The following CDC42BPB variants were observed in gnomAD, a reference collection of about 807,000 sequenced individuals.
CDC42BPB encodes CDC42 binding protein kinase beta.
CDC42BPB carries 37 observed loss-of-function variants against 214.9 expected under a neutral mutation model. The ratio of observed to expected loss-of-function variants is 0.17; its 90% confidence interval spans 0.13 to 0.23. CDC42BPB has a LOEUF of 0.23. Among genes scored for constraint, CDC42BPB ranks in the 10% least tolerant of loss-of-function variants. The probability of loss-of-function intolerance (pLI) is 1.00; values close to 1 mark genes in which losing one functional copy is unlikely to be tolerated. For synonymous variants in CDC42BPB, 931 were observed against 884.0 expected (o/e 1.05, Z -0.94); for missense variants, 1,694 against 2,227.0 (o/e 0.76, Z 4.82).
intron 1 of CDC42BPB, among the ~76,000 whole-genome samples, chr14:103,027,133 C>T (rs958688468): frequency 1.3e-5 from 2 of 152,174 alleles, no homozygotes; most frequent in Non-Finnish European, 2.9e-5. Flanking sequence ...AAAACTGTAA[C>T]CAGACCTCAC....
intron 1 of CDC42BPB, among the ~76,000 whole-genome samples, chr14:103,012,663 G>A (rs1275262679): frequency 3.3e-5 from 5 of 152,110 alleles, no homozygotes; most frequent in Non-Finnish European, 2.9e-5. Flanking sequence ...AAATTAGCCG[G>A]ATGTTGTGGC....
chr14:103,053,309 T>C (rs1191967747), intron 1 of CDC42BPB, among the ~76,000 whole-genome samples: 1 of 151,258 alleles, frequency 6.6e-6, no homozygotes, highest in Non-Finnish European at 1.5e-5. Context: ...ATCGCACCAC[T>C]GCACTTCAGC....
rs1895123512 is a variant in CDC42BPB at position 103,004,117 on chromosome 14, C to A, written c.352-94G>T. The stretch of plus-strand genomic sequence containing the variant: ...CGGGGTCCCTCCTGGGACAGTGGCT[C>A]CAGCCACGGTGTCCCTGCCTTCCGG... On this transcript the variant is annotated intron_variant, in intron 3 of 36. Coordinates refer to ENST00000361246, the MANE Select transcript of CDC42BPB (RefSeq NM_006035.4). This position sits in a 1 kb window ranked among gnomAD's most constrained non-coding sequence, Gnocchi z 5.3. The A allele has an allele frequency of 7.0e-7, 1 of 1,429,896 alleles. No homozygotes were observed. Among genetic ancestry groups the A allele is most frequent in the Non-Finnish European group, 9.2e-7 (1 of 1,085,872 alleles). 88.6% of individuals were successfully genotyped at this position (1,429,896 alleles called of 1,614,324 possible).
intron 24 of CDC42BPB, among the ~76,000 whole-genome samples, chr14:102,952,078 T>C (rs1012766997): frequency 6.6e-6 from 1 of 152,178 alleles, no homozygotes; most frequent in Non-Finnish European, 1.5e-5. Context: ...CTGGGTGCAG[T>C]GGCTCATGCC....
In CDC42BPB at chr14:102,944,133, C is replaced by A; in HGVS notation, c.4166G>T (p.Gly1389Val). 6.2e-7 allele frequency: 1 copy of A among 1,613,204 alleles called. No homozygotes were observed. ...CAGCAGGCAGAACCCAGAAGGGTAGCCCACACAGAGCCTGTCCCTGAGCAC... is the reference window on the plus strand; with the variant it reads ...CAGCAGGCAGAACCCAGAAGGGTAGACCACACAGAGCCTGTCCCTGAGCAC... ...LAVLRDRLCVGYPSGFCLLSI... is the reference protein window; with the variant it reads ...LAVLRDRLCVVYPSGFCLLSI... The change falls in exon 30 of 37, where the codon GGC becomes GTC. Residue 1389 changes from glycine to valine, a missense_variant. Physicochemically the swap from Gly to Val is moderately radical, Grantham distance 109. Coordinates refer to ENST00000361246, the MANE Select transcript of CDC42BPB (RefSeq NM_006035.4). The surrounding 1 kb of genome is among the most constrained non-coding windows in gnomAD (Gnocchi z 6.6).
intron 8 of CDC42BPB, among the ~76,000 whole-genome samples, chr14:102,979,705 G>C (rs1030201852): frequency 6.6e-6 from 1 of 152,178 alleles, no homozygotes; most frequent in African/African-American, 2.4e-5. Context: ...CAACGAAGAA[G>C]ATTTTCCTTT....
At chr14:102,977,967 A>G (rs1893832747) in intron 9 of CDC42BPB, among the ~76,000 whole-genome samples, 159 bp downstream of exon 9, 1 of 152,226 alleles carries the variant, frequency 6.6e-6, no homozygotes, top group Non-Finnish European at 1.5e-5. Context: ...TCAGGTGTGC[A>G]TATTTTAAGA....
intron 9 of CDC42BPB, among the ~76,000 whole-genome samples, chr14:102,977,067 C>T (rs1014912126): frequency 5.3e-5 from 8 of 152,090 alleles, no homozygotes; most frequent in African/African-American, 9.7e-5. Context: ...ATCAGCCGGG[C>T]GCGGTGGCTC....
At chr14:102,946,767 C>A in intron 27 of CDC42BPB, 83 bp from the exon 28 acceptor site, 1 of 1,546,240 alleles carries the variant, frequency 6.5e-7, no homozygotes, top group Non-Finnish European at 8.7e-7. Flanking sequence ...GCTGGAGCCA[C>A]GCACCCCAGG....
At chr14:103,019,809 G>C (rs1438145116) in intron 1 of CDC42BPB, among the ~76,000 whole-genome samples, 2 of 152,164 alleles carry the variant, frequency 1.3e-5, no homozygotes, top group African/African-American at 4.8e-5. Flanking sequence ...TGATGCTCTA[G>C]AAAACAATGG....
chr14:102,989,654 C>G (rs1894401786), intron 5 of CDC42BPB, among the ~76,000 whole-genome samples: 1 of 152,052 alleles, frequency 6.6e-6, no homozygotes, highest in East Asian at 1.9e-4. Context: ...GGAAGGATCG[C>G]CTGAGGTTGG....
intron 1 of CDC42BPB, among the ~76,000 whole-genome samples, chr14:103,019,141 C>T (rs368703242): frequency 6.6e-5 from 10 of 152,080 alleles, no homozygotes; most frequent in Admixed American, 5.2e-4. Context: ...GCTGTATTGT[C>T]CAGGCTGGTC....
At chr14:102,952,947 G>C (rs1329012786) in intron 23 of CDC42BPB, among the ~76,000 whole-genome samples, 1 of 152,230 alleles carries the variant, frequency 6.6e-6, no homozygotes, top group Admixed American at 6.5e-5. Flanking sequence ...ACTGGCTCTT[G>C]GGGGCCGACC....
At chr14:103,044,266 C>T (rs1888167012) in intron 1 of CDC42BPB, among the ~76,000 whole-genome samples, 1 of 151,928 alleles carries the variant, frequency 6.6e-6, no homozygotes, top group Non-Finnish European at 1.5e-5. Flanking sequence ...CTCACTCTGT[C>T]GCCCATGCTG....
intron 1 of CDC42BPB, among the ~76,000 whole-genome samples, chr14:103,042,985 T>G (rs961534137): frequency 3.3e-5 from 5 of 151,098 alleles, no homozygotes; most frequent in African/African-American, 1.2e-4. Context: ...GTTCAGAGAA[T>G]AGGTATTAAA....
At chr14:102,967,250 T>A (rs1406677580) in intron 16 of CDC42BPB, 80 bp from the exon 17 acceptor site, 1 of 1,505,330 alleles carries the variant, frequency 6.6e-7, no homozygotes, top group Non-Finnish European at 8.9e-7. Context: ...GGAAGTTCTT[T>A]TGAAGACTCT....
At position 102,990,346 on chromosome 14, in the gene CDC42BPB, G is replaced by T. The variant is rs114166946; in HGVS notation, c.597-3766C>A. Among the ~76,000 whole-genome samples the T allele has an allele frequency of 8.3e-3, 1,263 of 152,292 alleles. 21 individuals are homozygous for T. Among genetic ancestry groups the T allele is most frequent in the African/African-American group, 0.029 (1,204 of 41,558 alleles). The stretch of plus-strand genomic sequence containing the variant: ...AGTCCCAATGAGATGGGGGAGAACC[G>T]CAAACAAACCCGGAATGCCTGCGGG... On this transcript the variant is annotated intron_variant, in intron 5 of 36. Transcript: ENST00000361246.
Position 102,964,657 on chromosome 14 carries a change from A to G in CDC42BPB, c.2578-7T>C, listed in dbSNP as rs749607183. 1.2e-6 allele frequency: 2 copies of G among 1,603,014 alleles called. No individual in the cohort carries two copies. Among genetic ancestry groups the G allele is most frequent in the Non-Finnish European group, 1.7e-6 (2 of 1,173,300 alleles). On this transcript the variant is annotated splice_region_variant and splice_polypyrimidine_tract_variant and intron_variant, in intron 18 of 36. Coordinates refer to ENST00000361246, the MANE Select transcript of CDC42BPB (RefSeq NM_006035.4). The stretch of plus-strand genomic sequence containing the variant: ...GCACCTTCCACAGCGGGTCCTTGAG[A>G]CACGGTCATGGCGTTAAAAATGCAT...
chr14:103,013,233 G>A (rs764743160), intron 1 of CDC42BPB, among the ~76,000 whole-genome samples: 31 of 152,278 alleles, frequency 2.0e-4, no homozygotes, highest in Non-Finnish European at 4.1e-4. Flanking sequence ...CCACGGGGCA[G>A]CTCAGGGAAC....
Sources: gnomAD v4.1 joint callset for allele counts (sites outside exome capture counted in the v4.1 genomes callset) on GRCh38, gnomAD v4.1.1 for gene constraint, Gnocchi (gnomAD v3.1) non-coding constraint, MANE v1.5 for transcripts, NCBI Gene and HGNC (gene_info 2026-07-23, HGNC 2026-07-21) for gene names.